SPAG16: variants seen among roughly 807,000 people sequenced by gnomAD.
The protein encoded by SPAG16 is sperm-associated antigen 16 protein.
A neutral mutation model predicts 80.4 loss-of-function variants in SPAG16; 86 were observed. That is an observed-to-expected ratio of 1.07 (90% CI 0.90 to 1.28). The LOEUF (loss-of-function observed/expected upper bound fraction) is 1.28. Ranked by LOEUF, SPAG16 falls within the 50% of genes most tolerant of loss-of-function variation. The pLI is 0.00. For missense variants in SPAG16, 870 were observed against 765.3 expected, an observed-to-expected ratio of 1.14 and a Z score of -1.61; for synonymous variants, 294 against 265.9, an observed-to-expected ratio of 1.11 and a Z score of -1.03.
At chr2:213,421,213 C>T (rs1015022957) in intron 9 of SPAG16, among the ~76,000 whole-genome samples, 1 of 152,232 alleles carries the variant, frequency 6.6e-6, no homozygotes, top group Middle Eastern at 3.2e-3. Flanking sequence ...ACTGTCTGGC[C>T]TTTCCCTGCT....
intron 12 of SPAG16, among the ~76,000 whole-genome samples, chr2:213,978,288 C>T (rs2045523426): frequency 6.6e-6 from 1 of 152,012 alleles, no homozygotes; most frequent in African/African-American, 2.4e-5. Context: ...GTACATTTTC[C>T]ATCTTCCACA....
intron 15 of SPAG16, chr2:214,240,217 C>T (rs913711444): frequency 6.6e-6 from 1 of 152,212 alleles, no homozygotes; most frequent in Non-Finnish European, 1.5e-5. Flanking sequence ...TCTAATCCAG[C>T]ATTCTCAAAG....
intron 10 of SPAG16, among the ~76,000 whole-genome samples, chr2:213,743,922 C>G (rs962491126): frequency 5.9e-5 from 9 of 152,124 alleles, no homozygotes; most frequent in African/African-American, 2.2e-4. Flanking sequence ...TTAGATTTTT[C>G]ATCTCTGCTT....
In SPAG16 at chr2:213,634,223, C is replaced by G. The variant is rs1397481200; in HGVS notation, c.1070+144133C>G. ...TTGGTTACCCTGAGGCTTGCAAATA[C>G]TATCTTATAACCCATTATTTTAACC... On this transcript the variant is annotated intron_variant, in intron 10 of 15. Transcript: ENST00000331683. 2.0e-5 allele frequency among the ~76,000 whole-genome samples: 3 copies of G among 152,084 alleles called. No individual in the cohort carries two copies. The East Asian group carries it at 5.8e-4, about 29-fold the overall frequency.
intron 1 of SPAG16, among the ~76,000 whole-genome samples, chr2:213,288,605 C>T (rs2062147139): frequency 6.6e-6 from 1 of 152,070 alleles, no homozygotes; most frequent in Non-Finnish European, 1.5e-5. Flanking sequence ...GCCACCGCAC[C>T]TGTCCTTTCC....
At chr2:213,466,330 T>C (rs1246477150) in intron 9 of SPAG16, among the ~76,000 whole-genome samples, 1 of 152,190 alleles carries the variant, frequency 6.6e-6, no homozygotes, top group African/African-American at 2.4e-5. Flanking sequence ...TTTAACATCT[T>C]CCCTATGGGA....
intron 12 of SPAG16, among the ~76,000 whole-genome samples, chr2:213,953,163 A>T (rs1271597585): frequency 6.6e-6 from 1 of 152,024 alleles, no homozygotes; most frequent in Non-Finnish European, 1.5e-5. Flanking sequence ...TCAACAAAGC[A>T]ATGTTTAAAA....
At chr2:213,808,330 A>G (rs1344472315) in intron 10 of SPAG16, among the ~76,000 whole-genome samples, 1 of 152,162 alleles carries the variant, frequency 6.6e-6, no homozygotes, top group Non-Finnish European at 1.5e-5. Flanking sequence ...AGAAACTAAA[A>G]AACGAAAGAA....
intron 15 of SPAG16, among the ~76,000 whole-genome samples, chr2:214,299,774 A>G (rs777660395): frequency 1.3e-5 from 2 of 152,180 alleles, no homozygotes; most frequent in Non-Finnish European, 2.9e-5. Flanking sequence ...GTCTCTTCAG[A>G]TTACTCAAGT....
intron 12 of SPAG16, among the ~76,000 whole-genome samples, chr2:213,969,832 A>C (rs1575682161): frequency 6.6e-6 from 1 of 151,964 alleles, no homozygotes; most frequent in South Asian, 2.1e-4. Flanking sequence ...AAAAAAAAAC[A>C]CCCTTTAGCC....
At chr2:213,395,443 A>G (rs1300987984) in intron 9 of SPAG16, among the ~76,000 whole-genome samples, 3 of 152,198 alleles carry the variant, frequency 2.0e-5, no homozygotes, top group African/African-American at 7.2e-5. Flanking sequence ...AGTTTTGAAT[A>G]TACTTTACTT....
intron 11 of SPAG16, among the ~76,000 whole-genome samples, chr2:213,885,257 G>A (rs987656300): frequency 1.3e-5 from 2 of 152,136 alleles, no homozygotes; most frequent in African/African-American, 4.8e-5. Flanking sequence ...TGTAGTTTGG[G>A]CTTTCATCCA....
chr2:214,261,495 G>T (rs994850532), intron 15 of SPAG16, among the ~76,000 whole-genome samples: 3 of 152,158 alleles, frequency 2.0e-5, no homozygotes, highest in Non-Finnish European at 4.4e-5. Flanking sequence ...GTGTGGATGT[G>T]AGAATAAAAA....
chr2:213,770,954 T>C (rs947524891), intron 10 of SPAG16, among the ~76,000 whole-genome samples: 27 of 152,214 alleles, frequency 1.8e-4, no homozygotes, highest in African/African-American at 6.5e-4. Context: ...AATAGAATGA[T>C]TTATATTCCT....
chr2:213,967,646 T>C (rs1174282993), intron 12 of SPAG16, among the ~76,000 whole-genome samples: 1 of 152,216 alleles, frequency 6.6e-6, no homozygotes, highest in African/African-American at 2.4e-5. Context: ...AATTATGTCT[T>C]AACCCCTGCT....
At chr2:213,998,407 T>G (rs1391898294) in intron 12 of SPAG16, among the ~76,000 whole-genome samples, 1 of 152,202 alleles carries the variant, frequency 6.6e-6, no homozygotes, top group African/African-American at 2.4e-5. Flanking sequence ...TTTTCCACTT[T>G]TACATCTTCC....
intron 9 of SPAG16, among the ~76,000 whole-genome samples, chr2:213,387,665 G>T (rs1029943081): frequency 6.7e-6 from 1 of 150,208 alleles, no homozygotes; most frequent in African/African-American, 2.5e-5. Flanking sequence ...CATTTTGGCC[G>T]GGATGGTCTC....
At chr2:213,357,720 T>C (rs942618248) in intron 7 of SPAG16, among the ~76,000 whole-genome samples, 2 of 152,220 alleles carry the variant, frequency 1.3e-5, no homozygotes, top group Admixed American at 1.3e-4. Context: ...AGTTTGCCAG[T>C]CTGTGTCTTT....
At chr2:213,612,992 A>C (rs940407164) in intron 10 of SPAG16, among the ~76,000 whole-genome samples, 2 of 152,176 alleles carry the variant, frequency 1.3e-5, no homozygotes, top group Non-Finnish European at 2.9e-5. Context: ...TTTTAAAATG[A>C]TGGAATCATT....
Sources: allele counts gnomAD v4.1 joint callset (sites outside exome capture counted in the v4.1 genomes callset), GRCh38; gene constraint gnomAD v4.1.1; transcripts MANE v1.5; gene names NCBI Gene and HGNC (gene_info 2026-07-23, HGNC 2026-07-21).